The following UNC13C variants were observed in gnomAD, a reference collection of about 807,000 sequenced individuals.
UNC13C encodes unc-13 homolog C.
In UNC13C, 174 loss-of-function variants were observed where a neutral mutation model predicts 245.4. The observed-to-expected ratio is 0.71, with a 90% CI of 0.63 to 0.80. The LOEUF (loss-of-function observed/expected upper bound fraction) is 0.80, where lower values mean the gene tolerates loss of function less well. UNC13C is among the 30% of genes least tolerant of loss of function. The pLI is 0.00. For missense variants in UNC13C, 2,829 were observed against 2,602.9 expected (o/e 1.09, Z -1.89); for synonymous variants, 992 against 895.1 (o/e 1.11, Z -1.93).
chr15:54,545,730 A>G (rs544877430), intron 26 of UNC13C, among the ~76,000 whole-genome samples: 1 of 152,230 alleles, frequency 6.6e-6, no homozygotes, highest in South Asian at 2.1e-4. Context: ...GGTCATTATT[A>G]CTGGTCATTT....
At chr15:54,491,801 G>C (rs1278009068) in intron 19 of UNC13C, among the ~76,000 whole-genome samples, 2 of 151,992 alleles carry the variant, frequency 1.3e-5, no homozygotes, top group East Asian at 3.9e-4. Flanking sequence ...AGGAGATCCA[G>C]ACCATGGTGA....
chr15:54,532,301 C>G (rs1043373966), intron 25 of UNC13C, among the ~76,000 whole-genome samples: 2 of 152,046 alleles, frequency 1.3e-5, no homozygotes, highest in African/African-American at 4.8e-5. Flanking sequence ...ACAGAAATAC[C>G]ATTTGACCCA....
At position 54,072,833 on chromosome 15, in the gene UNC13C, G is replaced by A. The variant is rs528908210; in HGVS notation, c.2983+56947G>A. Among the ~76,000 whole-genome samples the A allele has an allele frequency of 9.2e-5, 14 of 152,040 alleles. No homozygotes were observed. The South Asian group carries it at 1.9e-3, about 20-fold the overall frequency. The stretch of plus-strand genomic sequence containing the variant: ...ATGAATTTACTAACCAAACCTTGAC[G>A]TTGCCAACAATTCAAACTGCCTTTC... On this transcript the variant is annotated intron_variant, in intron 2 of 32. Coordinates refer to ENST00000260323, the MANE Select transcript of UNC13C (RefSeq NM_001080534.3).
At chr15:53,932,510 A>G in the UNC13C span, among the ~76,000 whole-genome samples, 1 of 152,218 alleles carries the variant, frequency 6.6e-6, no homozygotes, top group South Asian at 2.1e-4. Flanking sequence ...AGTGTTAACA[A>G]GAAAATGAAC....
intron 25 of UNC13C, among the ~76,000 whole-genome samples, chr15:54,530,512 C>A (rs935596727): frequency 6.6e-6 from 1 of 151,864 alleles, no homozygotes; most frequent in African/African-American, 2.4e-5. Flanking sequence ...GGGAAACAGG[C>A]AATAAGCAAA....
At chr15:54,337,826 A>C (rs2038628069) in intron 16 of UNC13C, among the ~76,000 whole-genome samples, 1 of 152,168 alleles carries the variant, frequency 6.6e-6, no homozygotes, top group African/African-American at 2.4e-5. Flanking sequence ...TAAGATTTTT[A>C]TAGTGGTCTA....
intron 16 of UNC13C, 67 bp downstream of exon 16, chr15:54,333,923 T>A: frequency 8.4e-7 from 1 of 1,189,012 alleles, no homozygotes; most frequent in Non-Finnish European, 1.2e-6. Context: ...TGGTAAAGTC[T>A]TGCTTTACCC....
chr15:54,089,906 C>T (rs1423151405), intron 2 of UNC13C, among the ~76,000 whole-genome samples: 2 of 152,036 alleles, frequency 1.3e-5, no homozygotes, highest in Admixed American at 6.6e-5. Context: ...GTGGAACAAG[C>T]GGTAGGACTT....
chr15:54,310,419 T>A (rs1596193673), intron 13 of UNC13C, among the ~76,000 whole-genome samples: 1 of 151,910 alleles, frequency 6.6e-6, no homozygotes, highest in East Asian at 1.9e-4. Context: ...GGCTGACTTC[T>A]GTGTCCAGTG....
At chr15:54,223,128 G>C (rs959113206) in intron 4 of UNC13C, among the ~76,000 whole-genome samples, 8 of 152,012 alleles carry the variant, frequency 5.3e-5, no homozygotes, top group African/African-American at 1.9e-4. Context: ...TTTTGCTTTG[G>C]TTGCCTGTAC....
chr15:54,430,511 A>G (rs1054225809), intron 19 of UNC13C, among the ~76,000 whole-genome samples: 1 of 151,498 alleles, frequency 6.6e-6, no homozygotes, highest in East Asian at 2.0e-4. Flanking sequence ...TAATGTGTTA[A>G]TTGCTCAAAC....
the UNC13C span, among the ~76,000 whole-genome samples, chr15:53,952,602 T>A: frequency 1.3e-5 from 2 of 152,216 alleles, no homozygotes; most frequent in African/African-American, 4.8e-5. Context: ...CAACATGGAC[T>A]TCGTAATTTA....
chr15:54,479,206 GTC>G (rs1006101126), intron 19 of UNC13C, among the ~76,000 whole-genome samples: 4 of 151,702 alleles, frequency 2.6e-5, no homozygotes, highest in African/African-American at 9.7e-5. Flanking sequence ...TTTTATGGGG[GTC>G]TCTCTCTCTC....
intron 4 of UNC13C, among the ~76,000 whole-genome samples, chr15:54,194,580 T>C (rs767528644): frequency 6.7e-6 from 1 of 148,992 alleles, no homozygotes; most frequent in Admixed American, 6.7e-5. Context: ...GATATAAAAC[T>C]CTCCATTGAA....
chr15:54,132,686 A>C (rs950422790), intron 2 of UNC13C, among the ~76,000 whole-genome samples: 2 of 152,202 alleles, frequency 1.3e-5, no homozygotes, highest in South Asian at 4.1e-4. Context: ...TTTTCTTTGC[A>C]CTGTTTTTGG....
chr15:54,172,279 A>T (rs959080357), intron 4 of UNC13C, among the ~76,000 whole-genome samples: 1 of 152,052 alleles, frequency 6.6e-6, no homozygotes, highest in African/African-American at 2.4e-5. Context: ...ACACAAAGAA[A>T]GCATACATTC....
rs763361330 is a variant in UNC13C at position 54,014,856 on chromosome 15, T to G, written c.1953T>G (p.His651Gln). 2 of 1,613,926 alleles carry G rather than the reference T, an allele frequency of 1.2e-6. No individual in the cohort carries two copies. Among genetic ancestry groups the G allele is most frequent in the Non-Finnish European group, 1.7e-6 (2 of 1,179,854 alleles). The change falls in exon 2 of 33, where the codon CAT becomes CAG. Residue 651 changes from histidine (H) to glutamine (Q), a missense_variant. Transcript: ENST00000260323. ...SHYSDSQLSL[H>Q]EDLSPWKEWN... ...ACAGTGATTCTCAGCTCTCTTTACA[T>G]GAGGATCTTTCTCCATGGAAGGAAT...
chr15:54,409,469 C>T (rs549880419), intron 18 of UNC13C, among the ~76,000 whole-genome samples: 2 of 152,088 alleles, frequency 1.3e-5, no homozygotes, highest in African/African-American at 4.8e-5. Flanking sequence ...ACAAATTATT[C>T]CATCACCCAG....
intron 26 of UNC13C, among the ~76,000 whole-genome samples, chr15:54,538,557 C>T (rs924209565): frequency 6.6e-6 from 1 of 152,004 alleles, no homozygotes; most frequent in Non-Finnish European, 1.5e-5. Flanking sequence ...ATGTTCATTG[C>T]AGCACTGTTC....
Sources: allele counts gnomAD v4.1 joint callset (sites outside exome capture counted in the v4.1 genomes callset), GRCh38; gene constraint gnomAD v4.1.1; transcripts MANE v1.5; gene names NCBI Gene and HGNC (gene_info 2026-07-23, HGNC 2026-07-21).